NEURL1: variants seen among roughly 807,000 people sequenced by gnomAD.
The protein encoded by NEURL1 is E3 ubiquitin-protein ligase NEURL1.
NEURL1 carries 26 observed loss-of-function variants against 41.2 expected under a neutral mutation model. The ratio of observed to expected loss-of-function variants is 0.63; its 90% CI spans 0.46 to 0.87. The LOEUF (loss-of-function observed/expected upper bound fraction) is 0.87. Ranked by LOEUF, NEURL1 falls within the 40% of genes least tolerant of loss-of-function variation. The probability of loss-of-function intolerance (pLI) is 0.00; values close to 1 mark genes in which losing one functional copy is unlikely to be tolerated. For missense variants in NEURL1, 761 were observed against 871.1 expected (o/e 0.87, Z 1.59); for synonymous variants, 400 against 402.3 (o/e 0.99, Z 0.07).
At chr10:103,516,077 A>G (rs1269279240) in intron 1 of NEURL1, among the ~76,000 whole-genome samples, 1 of 151,524 alleles carries the variant, frequency 6.6e-6, no homozygotes, top group African/African-American at 2.4e-5. Flanking sequence ...AAATATAAAA[A>G]ATTAGCCGAG....
intron 1 of NEURL1, among the ~76,000 whole-genome samples, chr10:103,495,928 C>T (rs1193446105): frequency 2.6e-5 from 4 of 152,160 alleles, no homozygotes; most frequent in South Asian, 2.1e-4. Context: ...GCCAACATGG[C>T]GAAACACTGT....
At chr10:103,560,016 C>G (rs1012462355) in intron 1 of NEURL1, among the ~76,000 whole-genome samples, 2 of 151,906 alleles carry the variant, frequency 1.3e-5, no homozygotes, top group African/African-American at 4.8e-5. Context: ...CACACATGCA[C>G]ACATACACAC....
In NEURL1 at chr10:103,590,281, G is replaced by A. The variant is rs2036012890; in HGVS notation, c.1634G>A (p.Cys545Tyr). 2.5e-6 allele frequency: 4 copies of A among 1,614,188 alleles called. No individual in the cohort carries two copies. The highest frequency in any genetic ancestry group is 3.4e-6 in the Non-Finnish European group (4 of 1,180,032). ...TCGHMCLCYA[C>Y]GLRLKKALHA... The stretch of plus-strand genomic sequence containing the variant: ...GGCCACATGTGCCTCTGCTACGCCT[G>A]TGGCCTGCGCCTCAAGAAGGCTCTG... The change falls in exon 6 of 6, where the codon TGT becomes TAT. Residue 545 changes from cysteine (C) to tyrosine (Y), a missense_variant. Around this residue, in one of 5 missense-constraint regions of NEURL1, gnomAD observed 45 missense variants for 89.9 expected, o/e 0.50. Coordinates refer to ENST00000369780, the MANE Select transcript of NEURL1 (RefSeq NM_004210.5).
intron 1 of NEURL1, among the ~76,000 whole-genome samples, chr10:103,514,927 A>G (rs2034164447): frequency 6.6e-6 from 1 of 151,974 alleles, no homozygotes; most frequent in African/African-American, 2.4e-5. Context: ...GTTCTATCTC[A>G]GTCTACTCAA....
In NEURL1 at chr10:103,571,750, G is replaced by A. The variant is rs1406668490; in HGVS notation, c.577G>A (p.Gly193Arg). The change falls in exon 3 of 6, where the codon GGG (glycine) becomes AGG (arginine). Residue 193 changes from glycine (G) to arginine (R), a missense_variant. Gly to Arg is a moderately radical substitution (Grantham distance 125). This residue lies in a region of NEURL1 where 114 missense variants were observed against 144.8 expected (regional missense o/e 0.79). Coordinates refer to ENST00000369780, the MANE Select transcript of NEURL1 (RefSeq NM_004210.5). ...CTCGGCTGTTATGCTGTTCTTCAGCGGGGTCCGCACGGCCGACCCGCTCTG... is the reference window on the plus strand; with the variant it reads ...CTCGGCTGTTATGCTGTTCTTCAGCAGGGTCCGCACGGCCGACCCGCTCTG... ...NDSAVMLFFS[G>R]VRTADPLWAL... 2 of 1,614,110 alleles carry A rather than the reference G, an allele frequency of 1.2e-6. No homozygotes were observed. The highest frequency in any genetic ancestry group is 1.7e-6 in the Non-Finnish European group (2 of 1,179,986).
intron 3 of NEURL1, among the ~76,000 whole-genome samples, chr10:103,582,177 C>T (rs929273509): frequency 1.3e-5 from 2 of 152,152 alleles, no homozygotes; most frequent in Non-Finnish European, 2.9e-5. Context: ...CCTCTTCTCC[C>T]TGCTGTTACT....
Position 103,590,771 on chromosome 10 carries a change from G to A in NEURL1, c.*399G>A, listed in dbSNP as rs899886356. 5 of 252,136 alleles carry A rather than the reference G, an allele frequency of 2.0e-5. No homozygotes were observed. The Admixed American group carries it at 2.0e-4, about 10-fold the overall frequency. The allele number at this position is 252,136 out of a possible 1,614,324, so 15.6% of individuals were successfully genotyped here. A position where few individuals can be genotyped will look rare whatever the true frequency, so the allele number is the denominator to read the frequency against. On this transcript the variant is annotated 3_prime_UTR_variant, in exon 6 of 6. Coordinates refer to ENST00000369780, the MANE Select transcript of NEURL1 (RefSeq NM_004210.5). ...GAAAACATGTACCTTCCTCTGGGCAGCTGCAGCCCTGAGCCAGGACATGTG... is the reference window on the plus strand; with the variant it reads ...GAAAACATGTACCTTCCTCTGGGCAACTGCAGCCCTGAGCCAGGACATGTG...
chr10:103,528,585 C>CAT (rs1410550665), intron 1 of NEURL1, among the ~76,000 whole-genome samples: 1 of 151,430 alleles, frequency 6.6e-6, no homozygotes, highest in Admixed American at 6.6e-5. Flanking sequence ...TGGTGAGGGT[C>CAT]ATTCATAACT....
At chr10:103,572,307 T>A in intron 3 of NEURL1, among the ~76,000 whole-genome samples, 1 of 152,206 alleles carries the variant, frequency 6.6e-6, no homozygotes, top group East Asian at 1.9e-4. Flanking sequence ...GAGCCAGCCC[T>A]GAGTCTCCAG....
rs931402191 is a variant in NEURL1 at position 103,590,782 on chromosome 10, G to A, written c.*410G>A. Reference sequence around the variant, plus strand: ...CCTTCCTCTGGGCAGCTGCAGCCCTGAGCCAGGACATGTGGCCTGGCTAGT... The same window carrying A: ...CCTTCCTCTGGGCAGCTGCAGCCCTAAGCCAGGACATGTGGCCTGGCTAGT... On this transcript the variant is annotated 3_prime_UTR_variant, in exon 6 of 6. Transcript: ENST00000369780. The A allele has an allele frequency of 2.8e-5, 7 of 245,840 alleles. No individual in the cohort carries two copies. The highest frequency in any genetic ancestry group is 5.6e-5 in the Non-Finnish European group (7 of 125,278). 15.2% of individuals were successfully genotyped at this position (245,840 alleles called of 1,614,324 possible). A position where few individuals can be genotyped will look rare whatever the true frequency, so the allele number is the denominator to read the frequency against.
chr10:103,527,221 G>A (rs2034478244), intron 1 of NEURL1, among the ~76,000 whole-genome samples: 1 of 151,810 alleles, frequency 6.6e-6, no homozygotes, highest in Non-Finnish European at 1.5e-5. Flanking sequence ...TATGCTATTG[G>A]CACTTTCATT....
chr10:103,586,101 TG>T (rs1447313519), intron 4 of NEURL1, among the ~76,000 whole-genome samples: 1 of 150,650 alleles, frequency 6.6e-6, no homozygotes, highest in Admixed American at 6.6e-5. Flanking sequence ...TTGAAAGGAC[TG>T]GGGGGATGTG....
chr10:103,552,890 A>T (rs1168163935), intron 1 of NEURL1, among the ~76,000 whole-genome samples: 1 of 152,194 alleles, frequency 6.6e-6, no homozygotes, highest in African/African-American at 2.4e-5. Context: ...AAGTGCCAAG[A>T]ACAGGGACTT....
At chr10:103,496,353 C>G (rs141878245) in intron 1 of NEURL1, among the ~76,000 whole-genome samples, 33 of 152,232 alleles carry the variant, frequency 2.2e-4, no homozygotes, top group Admixed American at 2.2e-3. Flanking sequence ...GGAAAATGCT[C>G]ACAGTATAAC....
chr10:103,586,734 T>C (rs1218842642), intron 4 of NEURL1, among the ~76,000 whole-genome samples: 2 of 152,044 alleles, frequency 1.3e-5, no homozygotes. Flanking sequence ...CAAATGAAGA[T>C]GGAGTGAAAC....
intron 1 of NEURL1, among the ~76,000 whole-genome samples, chr10:103,525,335 T>TTTTCTTTCTTTCTTTC (rs150432222): frequency 2.0e-5 from 3 of 146,834 alleles, no homozygotes; most frequent in Admixed American, 1.4e-4. Context: ...GTGGAGTTTT[T>TTTTCTTTCTTTCTTTC]TTTCTTTCTT....
chr10:103,533,710 G>A (rs1285288291), intron 1 of NEURL1, among the ~76,000 whole-genome samples: 3 of 152,102 alleles, frequency 2.0e-5, no homozygotes, highest in African/African-American at 2.4e-5. Flanking sequence ...CTAATTTTTT[G>A]TATTTTTAGT....
chr10:103,566,159 A>T lies in NEURL1; in HGVS notation c.86-4713A>T, dbSNP rs2035419877. Among the ~76,000 whole-genome samples the T allele has an allele frequency of 6.6e-6, 1 of 151,822 alleles. No homozygotes were observed. The highest frequency in any genetic ancestry group is 1.5e-5 in the Non-Finnish European group (1 of 67,978). On this transcript the variant is annotated intron_variant, in intron 1 of 5. Transcript: ENST00000369780. The surrounding 1 kb of genome is among the most constrained non-coding windows in gnomAD (Gnocchi z 4.2). ...GGCTGAAGTGCAGTGGTGCTATCAT[A>T]GCTCACTGCAATCTCAAATTCCTGG...
rs777742167 is a variant in NEURL1, at chr10:103,571,652, A to T, written c.479A>T (p.Glu160Val). The T allele has an allele frequency of 6.2e-7, 1 of 1,614,134 alleles. No homozygotes were observed. Among genetic ancestry groups the T allele is most frequent in the East Asian group, 2.2e-5 (1 of 44,870 alleles). Residue 160 changes from glutamate to valine, a missense_variant, in exon 3 of 6, where the codon GAG (glutamate) becomes GTG (valine). By Grantham distance (121) the Glu-to-Val change is moderately radical. Around this residue, in one of 5 missense-constraint regions of NEURL1, gnomAD observed 65 missense variants for 131.6 expected, o/e 0.49. Transcript: ENST00000369780. ...SGFWAKALPE[E>V]FANEGNIIAF... ...TTCTGGGCCAAGGCGCTGCCTGAGGAGTTTGCCAATGAGGGCAACATCATC... is the reference window on the plus strand; with the variant it reads ...TTCTGGGCCAAGGCGCTGCCTGAGGTGTTTGCCAATGAGGGCAACATCATC...
Sources: gnomAD v4.1 joint callset for allele counts (sites outside exome capture counted in the v4.1 genomes callset) on GRCh38, gnomAD v4.1.1 for gene constraint, gnomAD v4.1.1 regional missense constraint, Gnocchi (gnomAD v3.1) non-coding constraint, MANE v1.5 for transcripts, NCBI Gene and HGNC (gene_info 2026-07-23, HGNC 2026-07-21) for gene names.